Variants in CHST9 observed in about 807,000 individuals in gnomAD.
The protein encoded by CHST9 is carbohydrate sulfotransferase 9, also known as GalNAc-4-sulfotransferase 2.
In CHST9, 41 loss-of-function variants were observed where a neutral mutation model predicts 44.4. The ratio of observed to expected loss-of-function variants is 0.92; its 90% CI spans 0.72 to 1.20. The LOEUF is 1.20. CHST9 is among the 50% of genes most tolerant of loss of function. CHST9 has a pLI of 0.00. For missense variants in CHST9, 504 were observed against 516.5 expected (o/e 0.98, Z 0.23); for synonymous variants, 171 against 178.4 (o/e 0.96, Z 0.33).
At chr18:27,172,497 A>G (rs560402240) in intron 1 of CHST9, among the ~76,000 whole-genome samples, 1 of 152,076 alleles carries the variant, frequency 6.6e-6, no homozygotes, top group South Asian at 2.1e-4. Flanking sequence ...TTATTTTAAG[A>G]TAATCAGTAC....
At chr18:26,943,504 C>A (rs2145115353) in intron 5 of CHST9, among the ~76,000 whole-genome samples, 1 of 152,216 alleles carries the variant, frequency 6.6e-6, no homozygotes. Context: ...TAAGGGTAAG[C>A]TGTAATTTAT....
chr18:26,990,158 C>A (rs1044806482), intron 4 of CHST9, among the ~76,000 whole-genome samples: 1 of 151,966 alleles, frequency 6.6e-6, no homozygotes, highest in East Asian at 1.9e-4. Context: ...TGAGTACATA[C>A]CATATGATTC....
chr18:27,156,042 G>A (rs762517480), intron 1 of CHST9, among the ~76,000 whole-genome samples: 2 of 151,788 alleles, frequency 1.3e-5, no homozygotes, highest in African/African-American at 2.4e-5. Context: ...TTAAGAAACC[G>A]AGATAGGATA....
At chr18:27,013,889 A>T (rs541412942) in intron 4 of CHST9, among the ~76,000 whole-genome samples, 25 of 152,164 alleles carry the variant, frequency 1.6e-4, no homozygotes, top group Admixed American at 7.9e-4. Context: ...TTGATTGCCA[A>T]CTCTTTCTTT....
At chr18:27,088,059 T>C (rs1291788616) in intron 2 of CHST9, among the ~76,000 whole-genome samples, 2 of 152,238 alleles carry the variant, frequency 1.3e-5, no homozygotes, top group African/African-American at 2.4e-5. Flanking sequence ...AGTACAATAT[T>C]ACATTATAGG....
chr18:27,091,786 G>C (rs954133517), intron 2 of CHST9, among the ~76,000 whole-genome samples: 20 of 152,180 alleles, frequency 1.3e-4, no homozygotes, highest in African/African-American at 4.8e-4. Flanking sequence ...TTGCATTCCA[G>C]GGATGAAGCC....
Position 26,907,246 on chromosome 18 carries a change from G to T in CHST9, c.*9013C>A, listed in dbSNP as rs2055382593. 6.5e-6 allele frequency: 1 copy of T among 152,752 alleles called. No homozygotes were observed. Among genetic ancestry groups the T allele is most frequent in the African/African-American group, 2.4e-5 (1 of 41,454 alleles). The allele number at this position is 152,752 out of a possible 1,614,324, so 9.5% of individuals were successfully genotyped here. ...GGCTTTCTGAATTCTGTGGCTGTGA[G>T]GAGTCAGCTTAGGGAGAAATCGGGG... On this transcript the variant is annotated 3_prime_UTR_variant, in exon 6 of 6. Transcript: ENST00000618847.
chr18:26,914,758 T>C lies in CHST9; in HGVS notation c.*1501A>G. The C allele has an allele frequency of 2.5e-6, 1 of 393,650 alleles. No homozygotes were observed. The highest frequency in any genetic ancestry group is 4.5e-6 in the Non-Finnish European group (1 of 223,140). 24.4% of individuals were successfully genotyped at this position (393,650 alleles called of 1,614,324 possible). ...GAAATAAGTATGACTGCAACTATCT[T>C]GGTCTATTAACATTCAACTATTAAT... On this transcript the variant is annotated 3_prime_UTR_variant, in exon 6 of 6. Coordinates refer to ENST00000618847, the MANE Select transcript of CHST9 (RefSeq NM_031422.6).
intron 2 of CHST9, among the ~76,000 whole-genome samples, chr18:27,131,691 T>C (rs2058473100): frequency 6.6e-6 from 1 of 152,106 alleles, no homozygotes; most frequent in South Asian, 2.1e-4. Flanking sequence ...AAAATCGAGA[T>C]CATAAGTCTG....
In CHST9 at chr18:27,079,990, C is replaced by G. The variant is rs937476102; in HGVS notation, c.122-31487G>C. 3.9e-5 allele frequency among the ~76,000 whole-genome samples: 6 copies of G among 152,124 alleles called. 1 individual carries two copies. The highest frequency in any genetic ancestry group is 1.4e-4 in the African/African-American group (6 of 41,426). ...TAATCACATCTGCAAAGCCCTTTTT[C>G]CCATGTAAGGTTACAGAGTCACAGG... is the stretch of plus-strand genomic sequence containing the variant. On this transcript the variant is annotated intron_variant, in intron 2 of 5. Coordinates refer to ENST00000618847, the MANE Select transcript of CHST9 (RefSeq NM_031422.6).
At chr18:27,171,750 A>C (rs1268489965) in intron 1 of CHST9, among the ~76,000 whole-genome samples, 1 of 152,216 alleles carries the variant, frequency 6.6e-6, no homozygotes, top group East Asian at 1.9e-4. Context: ...AATATCAGGA[A>C]TACTTCTCAG....
chr18:27,042,716 T>G (rs2057458836), intron 3 of CHST9, among the ~76,000 whole-genome samples: 1 of 152,006 alleles, frequency 6.6e-6, no homozygotes, highest in South Asian at 2.1e-4. Flanking sequence ...AAAATAGTGG[T>G]TCAATAAACA....
intron 3 of CHST9, among the ~76,000 whole-genome samples, chr18:27,030,718 G>A (rs1169136469): frequency 6.6e-6 from 1 of 152,176 alleles, no homozygotes; most frequent in Admixed American, 6.5e-5. Flanking sequence ...TTCGGGGAGT[G>A]TCTGAGAGAC....
intron 1 of CHST9, among the ~76,000 whole-genome samples, chr18:27,148,407 CT>C (rs1195564464): frequency 8.0e-6 from 1 of 124,778 alleles, no homozygotes; most frequent in African/African-American, 3.0e-5. Flanking sequence ...TCCCTCCCCC[CT>C]CCCCCCACCC....
At chr18:26,988,247 T>G (rs975355632) in intron 4 of CHST9, among the ~76,000 whole-genome samples, 1 of 152,254 alleles carries the variant, frequency 6.6e-6, no homozygotes, top group East Asian at 1.9e-4. Context: ...TGTAAACATG[T>G]CAATTAAAAG....
chr18:26,951,503 G>A (rs1255428783), intron 4 of CHST9, among the ~76,000 whole-genome samples: 1 of 151,998 alleles, frequency 6.6e-6, no homozygotes, highest in African/African-American at 2.4e-5. Context: ...GAGGCTAATA[G>A]ACCTTCTTCA....
intron 1 of CHST9, among the ~76,000 whole-genome samples, chr18:27,180,168 T>C (rs1159302326): frequency 6.6e-6 from 1 of 152,150 alleles, no homozygotes; most frequent in Admixed American, 6.5e-5. Context: ...CTACCCTCAT[T>C]CTTTCACTTT....
intron 4 of CHST9, among the ~76,000 whole-genome samples, chr18:27,002,967 G>A (rs1358147311): frequency 6.6e-6 from 1 of 152,092 alleles, no homozygotes; most frequent in Non-Finnish European, 1.5e-5. Flanking sequence ...TAATTTATCT[G>A]TACATTGTAA....
At chr18:26,918,932 G>A (rs1260094930) in intron 5 of CHST9, among the ~76,000 whole-genome samples, 3 of 152,106 alleles carry the variant, frequency 2.0e-5, no homozygotes, top group African/African-American at 7.2e-5. Context: ...AGAAAAAGAT[G>A]TTTAATGAAC....
Sources: gnomAD v4.1 joint callset for allele counts (sites outside exome capture counted in the v4.1 genomes callset) on GRCh38, gnomAD v4.1.1 for gene constraint, MANE v1.5 for transcripts, NCBI Gene and HGNC (gene_info 2026-07-23, HGNC 2026-07-21) for gene names.